Variants in CLDN10 observed in about 807,000 individuals in gnomAD.
The protein encoded by CLDN10 is claudin 10.
CLDN10 carries 15 observed loss-of-function variants against 22.9 expected under a neutral mutation model. The ratio of observed to expected loss-of-function variants is 0.65; its 90% CI spans 0.44 to 1.01. CLDN10 has a LOEUF of 1.01. CLDN10 is among the 50% of genes least tolerant of loss of function. The pLI is 0.00. For missense variants in CLDN10, 247 were observed against 287.8 expected, an observed-to-expected ratio of 0.86 and a Z score of 1.03; for synonymous variants, 114 against 111.4, an observed-to-expected ratio of 1.02 and a Z score of -0.15.
intron 3 of CLDN10, 30 bp from the exon 4 acceptor site, chr13:95,577,201 C>T: frequency 7.1e-7 from 1 of 1,415,144 alleles, no homozygotes; most frequent in South Asian, 1.2e-5. Context: ...AATAAGTGAG[C>T]TGTAATACTT....
intron 4 of CLDN10, 103 bp from the exon 5 acceptor site, chr13:95,577,797 T>C (rs1466356471): frequency 1.5e-6 from 1 of 657,888 alleles, no homozygotes. Flanking sequence ...AAGAGGAAGA[T>C]TTACATTTAG....
At chr13:95,459,881 A>G (rs1566281246) in intron 1 of CLDN10, among the ~76,000 whole-genome samples, 1 of 152,222 alleles carries the variant, frequency 6.6e-6, no homozygotes, top group Admixed American at 6.5e-5. Flanking sequence ...CCATTTAAAT[A>G]TAAGTTACAA....
chr13:95,477,001 C>A (rs1466140796), intron 1 of CLDN10, among the ~76,000 whole-genome samples: 1 of 152,106 alleles, frequency 6.6e-6, no homozygotes, highest in East Asian at 1.9e-4. Flanking sequence ...AGGCGGGATG[C>A]AGACAAGTTG....
chr13:95,488,055 G>A (rs750872885), intron 1 of CLDN10, among the ~76,000 whole-genome samples: 19 of 151,032 alleles, frequency 1.3e-4, no homozygotes, highest in Non-Finnish European at 1.8e-4. Flanking sequence ...GCGTGATCTC[G>A]ACTCACCACA....
chr13:95,514,781 G>T (rs1197633804), intron 1 of CLDN10, among the ~76,000 whole-genome samples: 1 of 152,128 alleles, frequency 6.6e-6, no homozygotes, highest in Non-Finnish European at 1.5e-5. Context: ...GTAGGGGTGT[G>T]TGTGACATGA....
intron 1 of CLDN10, among the ~76,000 whole-genome samples, chr13:95,477,268 G>A (rs561891033): frequency 6.6e-6 from 1 of 152,262 alleles, no homozygotes; most frequent in South Asian, 2.1e-4. Context: ...AGTGGGCAAG[G>A]CAGGGTTAGC....
At chr13:95,544,060 T>G (rs2043485116) in intron 1 of CLDN10, among the ~76,000 whole-genome samples, 1 of 152,204 alleles carries the variant, frequency 6.6e-6, no homozygotes, top group South Asian at 2.1e-4. Context: ...CTTTTTTGAC[T>G]AATAAAATTA....
Position 95,503,110 on chromosome 13 carries a change from C to T in CLDN10, c.215-57022C>T, listed in dbSNP as rs150300560. ...AGAGAAATGGATTCACAGATGGAGT[C>T]TGTCTTGGGCCTGTATTTTGGATAT... On this transcript the variant is annotated intron_variant, in intron 1 of 4. Coordinates refer to the CLDN10 transcript ENST00000376873. Among the ~76,000 whole-genome samples, 317 of 152,232 alleles carry T rather than the reference C, an allele frequency of 2.1e-3. 1 individual carries two copies. The highest frequency in any genetic ancestry group is 7.2e-3 in the African/African-American group (301 of 41,534).
chr13:95,503,994 T>G (rs1394497265), intron 1 of CLDN10, among the ~76,000 whole-genome samples: 1 of 152,244 alleles, frequency 6.6e-6, no homozygotes, highest in East Asian at 1.9e-4. Context: ...ACCTGTATTT[T>G]ATCAGAATTT....
At chr13:95,574,781 A>G (rs2043903351) in intron 3 of CLDN10, among the ~76,000 whole-genome samples, 1 of 152,200 alleles carries the variant, frequency 6.6e-6, no homozygotes, top group Non-Finnish European at 1.5e-5. Flanking sequence ...AAAAAGAAAA[A>G]GATACATAAA....
At chr13:95,435,136 G>A (rs1407318036) in intron 1 of CLDN10, among the ~76,000 whole-genome samples, 1 of 152,136 alleles carries the variant, frequency 6.6e-6, no homozygotes, top group Non-Finnish European at 1.5e-5. Context: ...ACTCCAGAAT[G>A]CCTTCAGGGA....
intron 1 of CLDN10, among the ~76,000 whole-genome samples, chr13:95,508,563 C>T (rs117632424): frequency 1.4e-4 from 21 of 152,350 alleles, no homozygotes; most frequent in Non-Finnish European, 2.4e-4. Flanking sequence ...TCAAAGAGGA[C>T]ATGGTTCTTG....
intron 1 of CLDN10, among the ~76,000 whole-genome samples, chr13:95,464,739 C>CT (rs35464755): frequency 0.066 from 9,892 of 149,286 alleles, 781 homozygotes; most frequent in East Asian, 0.26. Flanking sequence ...TGTGTTTTTG[C>CT]TTTTTTTTTT....
intron 1 of CLDN10, among the ~76,000 whole-genome samples, chr13:95,494,988 G>A (rs1358835233): frequency 1.3e-5 from 2 of 151,606 alleles, no homozygotes; most frequent in East Asian, 1.9e-4. Flanking sequence ...CCCAAATTGT[G>A]CAATTAATCC....
intron 1 of CLDN10, among the ~76,000 whole-genome samples, chr13:95,538,604 T>A (rs2043425832): frequency 6.6e-6 from 1 of 152,232 alleles, no homozygotes; most frequent in African/African-American, 2.4e-5. Context: ...GTGTTCGCTC[T>A]GAAATCCTCA....
intron 1 of CLDN10, among the ~76,000 whole-genome samples, chr13:95,529,606 A>G (rs2043319553): frequency 6.6e-6 from 1 of 152,136 alleles, no homozygotes; most frequent in African/African-American, 2.4e-5. Flanking sequence ...TTTTGGCTTC[A>G]TGAGGTAGTA....
chr13:95,442,646 T>C (rs1035653124), intron 1 of CLDN10, among the ~76,000 whole-genome samples: 2 of 152,178 alleles, frequency 1.3e-5, no homozygotes, highest in African/African-American at 4.8e-5. Flanking sequence ...CAGGGTGTGT[T>C]TGGTATGCCG....
chr13:95,464,298 T>TG (rs2042564057), intron 1 of CLDN10, among the ~76,000 whole-genome samples: 1 of 151,888 alleles, frequency 6.6e-6, no homozygotes, highest in Non-Finnish European at 1.5e-5. Context: ...CTCCCCTTCC[T>TG]TGTCCAAGTG....
intron 1 of CLDN10, among the ~76,000 whole-genome samples, chr13:95,524,871 T>TATTTA (rs777101760): frequency 0.095 from 14,418 of 151,078 alleles, 888 homozygotes; most frequent in Middle Eastern, 0.12. Context: ...TTTTATTTTT[T>TATTTA]TTTTTGAGAC....
Sources: allele counts gnomAD v4.1 joint callset (sites outside exome capture counted in the v4.1 genomes callset), GRCh38; gene constraint gnomAD v4.1.1; transcripts MANE v1.5; gene names NCBI Gene and HGNC (gene_info 2026-07-23, HGNC 2026-07-21).